TENM4: variants seen among roughly 807,000 people sequenced by gnomAD.
The protein encoded by TENM4 is teneurin-4.
A neutral mutation model predicts 243.3 loss-of-function variants in TENM4; 82 were observed. That is an observed-to-expected ratio of 0.34 (90% CI 0.28 to 0.40). TENM4 has a LOEUF of 0.40. Ranked by LOEUF, TENM4 falls within the 10% of genes least tolerant of loss-of-function variation. The pLI is 1.00. For synonymous variants in TENM4, 1,412 were observed against 1,456.3 expected (o/e 0.97, Z 0.69); for missense variants, 3,138 against 3,673.3 (o/e 0.85, Z 3.77).
In TENM4 at chr11:78,688,194, G is replaced by A; in HGVS notation, c.5120C>T (p.Thr1707Ile). Residue 1707 changes from threonine (T) to isoleucine (I), a missense_variant, in exon 29 of 34, where the codon ACC becomes ATC. Coordinates refer to ENST00000278550, the MANE Select transcript of TENM4 (RefSeq NM_001098816.3). ...ACTGCTCACCTGGCCAGTAGGGAAG[G>A]TCACATTTGTCAGGCGGCCAAAGCT... ...YDSFGRLTNV[T>I]FPTGQVSSFR... 6.2e-6 allele frequency: 10 copies of A among 1,613,758 alleles called. No individual in the cohort carries two copies. Among genetic ancestry groups the A allele is most frequent in the Non-Finnish European group, 6.8e-6 (8 of 1,179,750 alleles).
intron 6 of TENM4, among the ~76,000 whole-genome samples, chr11:78,992,789 G>A (rs79746530): frequency 7.9e-5 from 12 of 152,258 alleles, no homozygotes; most frequent in Non-Finnish European, 1.5e-4. Context: ...CTGCGTGACC[G>A]GAGGCAATTT....
chr11:79,138,532 A>ATATT (rs1277846663), intron 4 of TENM4, among the ~76,000 whole-genome samples: 1 of 101,036 alleles, frequency 9.9e-6, no homozygotes, highest in Non-Finnish European at 1.8e-5. Context: ...TATACATAAT[A>ATATT]TATTAAAATA....
intron 4 of TENM4, among the ~76,000 whole-genome samples, chr11:79,133,161 C>G (rs187637974): frequency 6.6e-6 from 1 of 152,086 alleles, no homozygotes; most frequent in East Asian, 1.9e-4. Context: ...AGAAACAAAA[C>G]AGGAGATATT....
At chr11:79,095,627 C>A (rs961241035) in intron 4 of TENM4, among the ~76,000 whole-genome samples, 1 of 152,138 alleles carries the variant, frequency 6.6e-6, no homozygotes, top group African/African-American at 2.4e-5. Flanking sequence ...TTTGAGGCCC[C>A]TCTGGTGACT....
intron 6 of TENM4, among the ~76,000 whole-genome samples, chr11:79,021,009 G>A (rs1858913058): frequency 6.6e-6 from 1 of 152,256 alleles, no homozygotes. Flanking sequence ...TTCAGGGATA[G>A]AGGATGTGCC....
chr11:78,871,418 T>G (rs1025510148), intron 9 of TENM4, among the ~76,000 whole-genome samples: 1 of 152,110 alleles, frequency 6.6e-6, no homozygotes, highest in Non-Finnish European at 1.5e-5. Flanking sequence ...TATCAGGACC[T>G]GGGGAGTGAG....
At chr11:79,031,401 T>C (rs1859233945) in intron 6 of TENM4, among the ~76,000 whole-genome samples, 1 of 152,088 alleles carries the variant, frequency 6.6e-6, no homozygotes, top group Non-Finnish European at 1.5e-5. Flanking sequence ...GGTCTGAACC[T>C]GGGAATTTAA....
chr11:78,805,277 T>TGGC lies in TENM4; in HGVS notation c.2179+14_2179+15insGCC. 1.1e-5 allele frequency: 15 copies of TGGC among 1,402,520 alleles called. No homozygotes were observed. Among genetic ancestry groups the TGGC allele is most frequent in the Non-Finnish European group, 1.3e-5 (13 of 1,033,086 alleles). 86.9% of individuals were successfully genotyped at this position (1,402,520 alleles called of 1,614,324 possible). Reference sequence around the variant, plus strand: ...CCCCTCCCTCTACCCATGCTTCTTCTCCCCCTGCATTTACCGATAGAACAG... The same window carrying TGGC: ...CCCCTCCCTCTACCCATGCTTCTTCTGGCCCCCCTGCATTTACCGATAGAACAG... On this transcript the variant is annotated intron_variant, in intron 15 of 33. Coordinates refer to ENST00000278550, the MANE Select transcript of TENM4 (RefSeq NM_001098816.3).
chr11:79,366,214 G>A (rs1052064246), intron 1 of TENM4, among the ~76,000 whole-genome samples: 1 of 152,210 alleles, frequency 6.6e-6, no homozygotes, highest in Non-Finnish European at 1.5e-5. Flanking sequence ...ATGACTCAGG[G>A]CAGCATTAGC....
chr11:79,290,961 C>T (rs1194044231), intron 2 of TENM4, among the ~76,000 whole-genome samples: 1 of 152,130 alleles, frequency 6.6e-6, no homozygotes, highest in African/African-American at 2.4e-5. Flanking sequence ...GAGCCAGGTC[C>T]ACAGGCAGGC....
chr11:78,685,841 C>T (rs1482209743), intron 29 of TENM4, among the ~76,000 whole-genome samples: 2 of 152,216 alleles, frequency 1.3e-5, no homozygotes, highest in African/African-American at 4.8e-5. Context: ...TGGCAATAAT[C>T]CAGTCAGAGC....
chr11:79,426,208 T>C (rs1023094632), intron 1 of TENM4, among the ~76,000 whole-genome samples: 23 of 152,198 alleles, frequency 1.5e-4, no homozygotes, highest in African/African-American at 5.5e-4. Flanking sequence ...CAAGTTCAGA[T>C]GACATCAAAA....
intron 6 of TENM4, among the ~76,000 whole-genome samples, chr11:79,051,765 C>T (rs1464503053): frequency 6.6e-6 from 1 of 152,152 alleles, no homozygotes; most frequent in African/African-American, 2.4e-5. Context: ...TGATGCTCTC[C>T]CTCCCCATTG....
At chr11:79,437,608 G>C (rs1271692644) in intron 1 of TENM4, among the ~76,000 whole-genome samples, 2 of 152,240 alleles carry the variant, frequency 1.3e-5, no homozygotes, top group Non-Finnish European at 2.9e-5. Flanking sequence ...CGGAGAGCGC[G>C]AGGGAGTCGC....
intron 3 of TENM4, among the ~76,000 whole-genome samples, chr11:79,199,112 A>G (rs1306248229): frequency 6.6e-6 from 1 of 152,160 alleles, no homozygotes; most frequent in Non-Finnish European, 1.5e-5. Context: ...GATGTTCATT[A>G]TACAAATACT....
chr11:78,722,670 C>T lies in TENM4; in HGVS notation c.3798G>A (p.Leu1266=). Residue 1266 remains leucine (L), a splice_region_variant and synonymous_variant, in exon 24 of 34, where the codon CTG becomes CTA. Coordinates refer to ENST00000278550, the MANE Select transcript of TENM4 (RefSeq NM_001098816.3). Reference sequence around the variant, plus strand: ...GAAGAAAGCATCACCTTACATACCTCAGCTCTAGGATGTTGGTGACATTTC... The same window carrying T: ...GAAGAAAGCATCACCTTACATACCTTAGCTCTAGGATGTTGGTGACATTTC... ...PSGNVTNILE[L]RNKDFRHSHS... 1.9e-6 allele frequency: 3 copies of T among 1,611,438 alleles called. No homozygotes were observed. Among genetic ancestry groups the T allele is most frequent in the African/African-American group, 1.3e-5 (1 of 74,994 alleles).
chr11:79,292,248 C>A (rs1856369129), intron 2 of TENM4, among the ~76,000 whole-genome samples: 1 of 152,136 alleles, frequency 6.6e-6, no homozygotes, highest in Non-Finnish European at 1.5e-5. Context: ...AGCAATGCAC[C>A]AAGACCTCCC....
intron 6 of TENM4, among the ~76,000 whole-genome samples, chr11:79,018,994 TG>T (rs1185552099): frequency 6.6e-6 from 1 of 152,192 alleles, no homozygotes; most frequent in Non-Finnish European, 1.5e-5. Context: ...CTCCATCTCT[TG>T]GGTTTCTTCT....
chr11:78,882,388 G>A (rs1358406736), intron 9 of TENM4, among the ~76,000 whole-genome samples: 1 of 152,162 alleles, frequency 6.6e-6, no homozygotes, highest in Non-Finnish European at 1.5e-5. Flanking sequence ...CTGCTCTTCT[G>A]CCTAGAGTAC....
Sources: allele counts gnomAD v4.1 joint callset (sites outside exome capture counted in the v4.1 genomes callset), GRCh38; gene constraint gnomAD v4.1.1; transcripts MANE v1.5; gene names NCBI Gene and HGNC (gene_info 2026-07-23, HGNC 2026-07-21).